MARK1: variants seen among roughly 807,000 people sequenced by gnomAD.
MARK1 encodes microtubule affinity regulating kinase 1.
A neutral mutation model predicts 96.3 loss-of-function variants in MARK1; 40 were observed. The observed-to-expected ratio is 0.42, with a 90% CI of 0.32 to 0.54. The LOEUF is 0.54. Ranked by LOEUF, MARK1 falls within the 20% of genes least tolerant of loss-of-function variation. The pLI is 0.16. For synonymous variants in MARK1, 317 were observed against 341.2 expected (o/e 0.93, Z 0.78); for missense variants, 719 against 984.6 (o/e 0.73, Z 3.61).
intron 1 of MARK1, among the ~76,000 whole-genome samples, chr1:220,530,336 A>G (rs1018653000): frequency 1.3e-5 from 2 of 152,210 alleles, no homozygotes; most frequent in Non-Finnish European, 2.9e-5. Context: ...TGAGAGATTG[A>G]ACAAGTTCAG....
intron 3 of MARK1, among the ~76,000 whole-genome samples, chr1:220,583,222 C>G (rs1212672571): frequency 1.3e-5 from 2 of 152,300 alleles, no homozygotes; most frequent in East Asian, 3.9e-4. Flanking sequence ...TGTAATCTCA[C>G]TTCTAGAAGT....
intron 1 of MARK1, among the ~76,000 whole-genome samples, chr1:220,571,399 A>G (rs2102810542): frequency 6.6e-6 from 1 of 152,328 alleles, no homozygotes; most frequent in East Asian, 1.9e-4. Flanking sequence ...GAGGAGGAGA[A>G]TCACAGGTCT....
chr1:220,613,587 G>A (rs1380509816), intron 6 of MARK1, among the ~76,000 whole-genome samples: 2 of 152,124 alleles, frequency 1.3e-5, no homozygotes, highest in Non-Finnish European at 2.9e-5. Flanking sequence ...TGGCACTCAT[G>A]ATACGAAATA....
chr1:220,636,102 C>T lies in MARK1; in HGVS notation c.1470+76C>T, dbSNP rs1667948163. 4 of 1,060,046 alleles carry T rather than the reference C, an allele frequency of 3.8e-6. No individual in the cohort carries two copies. In the African/African-American group the frequency reaches 6.6e-5, roughly 17 times the overall value. 65.7% of individuals were successfully genotyped at this position (1,060,046 alleles called of 1,614,324 possible). A position where few individuals can be genotyped will look rare whatever the true frequency, so the allele number is the denominator to read the frequency against. On this transcript the variant is annotated intron_variant, in intron 13 of 17. Coordinates refer to ENST00000366917, the MANE Select transcript of MARK1 (RefSeq NM_018650.5). Reference sequence around the variant, plus strand: ...GGTTATGTGTAAAATTTTTATCTTTCATTTTTTTAAATGATTGAAAAATTT... The same window carrying T: ...GGTTATGTGTAAAATTTTTATCTTTTATTTTTTTAAATGATTGAAAAATTT...
chr1:220,598,258 T>G, intron 3 of MARK1, 73 bp from the exon 4 acceptor site: 1 of 502,904 alleles, frequency 2.0e-6, no homozygotes, highest in Non-Finnish European at 3.9e-6. Context: ...TTTCTTCAAA[T>G]AAATATTTTA....
intron 1 of MARK1, among the ~76,000 whole-genome samples, chr1:220,545,166 G>C (rs940388826): frequency 6.6e-6 from 1 of 152,212 alleles, no homozygotes. Context: ...GAGGGCATTC[G>C]GGGTGGAAGG....
At position 220,558,301 on chromosome 1, in the gene MARK1, CTGAA is replaced by C. The variant is rs368153073; in HGVS notation, c.52-21050_52-21047del. Among the ~76,000 whole-genome samples, 16 of 151,160 alleles carry C rather than the reference CTGAA, an allele frequency of 1.1e-4. No homozygotes were observed. The East Asian group carries it at 2.9e-3, about 27-fold the overall frequency. ...ATTTAAAAATTTAAAAGAATAAAAA[CTGAA>C]TGTATAACTTCATAGCAGCTTGCAG... is the stretch of plus-strand genomic sequence containing the variant. On this transcript the variant is annotated intron_variant, in intron 1 of 17. Transcript: ENST00000366917.
At chr1:220,659,586 A>G (rs1382578981) in intron 17 of MARK1, among the ~76,000 whole-genome samples, 4 of 152,198 alleles carry the variant, frequency 2.6e-5, no homozygotes, top group Non-Finnish European at 5.9e-5. Flanking sequence ...AATAAATGTT[A>G]GCTGTTATTA....
At chr1:220,602,914 C>T (rs577885191) in intron 5 of MARK1, among the ~76,000 whole-genome samples, 53 of 152,094 alleles carry the variant, frequency 3.5e-4, no homozygotes, top group Non-Finnish European at 5.0e-4. Context: ...ATATGCCAGT[C>T]GCTGTGCTAA....
chr1:220,575,417 G>A (rs1436132261), intron 1 of MARK1, among the ~76,000 whole-genome samples: 1 of 152,118 alleles, frequency 6.6e-6, no homozygotes, highest in Non-Finnish European at 1.5e-5. Context: ...TAAATTCACT[G>A]TTTAATCTAG....
chr1:220,638,489 C>T (rs1668093286), intron 13 of MARK1, among the ~76,000 whole-genome samples: 1 of 152,090 alleles, frequency 6.6e-6, no homozygotes, highest in Admixed American at 6.5e-5. Flanking sequence ...TGTCTTGTTT[C>T]ATTCACTGTT....
chr1:220,597,540 A>G (rs1366889655), intron 3 of MARK1, among the ~76,000 whole-genome samples: 1 of 152,184 alleles, frequency 6.6e-6, no homozygotes, highest in Non-Finnish European at 1.5e-5. Context: ...TTTGCTGCAG[A>G]AATGTCACCT....
chr1:220,566,894 C>A (rs970653507), intron 1 of MARK1, among the ~76,000 whole-genome samples: 4 of 152,056 alleles, frequency 2.6e-5, no homozygotes, highest in African/African-American at 4.8e-5. Context: ...GTAACATCTG[C>A]TAAGTAACTA....
chr1:220,647,543 G>A lies in MARK1; in HGVS notation c.1471-3077G>A, dbSNP rs541929781. On this transcript the variant is annotated intron_variant, in intron 13 of 17. Transcript: ENST00000366917. ...TTTGACCCAGCAATCCCATTACTAGGTATATACCCAAAGGAATATAAATCA... is the reference window on the plus strand; with the variant it reads ...TTTGACCCAGCAATCCCATTACTAGATATATACCCAAAGGAATATAAATCA... 2.0e-5 allele frequency among the ~76,000 whole-genome samples: 3 copies of A among 152,210 alleles called. No individual in the cohort carries two copies. In the South Asian group the frequency reaches 6.2e-4, roughly 32 times the overall value.
intron 6 of MARK1, among the ~76,000 whole-genome samples, chr1:220,605,617 C>T (rs539178397): frequency 6.6e-5 from 10 of 151,976 alleles, no homozygotes; most frequent in African/African-American, 2.2e-4. Flanking sequence ...CTGCACCCAT[C>T]AACTCATCAT....
At chr1:220,652,236 C>T (rs1270144643) in intron 15 of MARK1, 86 bp downstream of exon 15, 2 of 1,027,064 alleles carry the variant, frequency 1.9e-6, no homozygotes, top group Non-Finnish European at 2.7e-6. Flanking sequence ...GTCACCATCA[C>T]ATTAAGACCT....
chr1:220,556,501 A>AAC (rs1227527921), intron 1 of MARK1, among the ~76,000 whole-genome samples: 75 of 148,778 alleles, frequency 5.0e-4, no homozygotes, highest in Non-Finnish European at 9.5e-4. Flanking sequence ...AAAAAAAAAA[A>AAC]AAAAACAAAT....
chr1:220,598,102 A>T (rs984389858), intron 3 of MARK1, among the ~76,000 whole-genome samples: 14 of 152,156 alleles, frequency 9.2e-5, no homozygotes, highest in Non-Finnish European at 2.1e-4. Context: ...GAGTTCATCT[A>T]CTTAAAATTC....
chr1:220,528,797 C>T lies in MARK1; in HGVS notation c.-26C>T. ...CACCACAGCCCGGCCGGCGAGACCC[C>T]GGCCAGACCCCGCTGCCCGCACAAA... On this transcript the variant is annotated 5_prime_UTR_variant, in exon 1 of 18. Coordinates refer to ENST00000366917, the MANE Select transcript of MARK1 (RefSeq NM_018650.5). 6.5e-7 allele frequency: 1 copy of T among 1,547,020 alleles called. No homozygotes were observed. Among genetic ancestry groups the T allele is most frequent in the African/African-American group, 1.4e-5 (1 of 72,496 alleles).
Sources: allele counts gnomAD v4.1 joint callset (sites outside exome capture counted in the v4.1 genomes callset), GRCh38; gene constraint gnomAD v4.1.1; transcripts MANE v1.5; gene names NCBI Gene and HGNC (gene_info 2026-07-23, HGNC 2026-07-21).